Variants in ANK3 observed in about 807,000 individuals in gnomAD.
The protein encoded by ANK3 is ankyrin 3, also known as ankyrin-3.
ANK3 carries 57 observed loss-of-function variants against 370.9 expected under a neutral mutation model. That is an observed-to-expected ratio of 0.15 (90% CI 0.12 to 0.19). The LOEUF is 0.19. ANK3 is among the 10% of genes least tolerant of loss of function. The pLI is 1.00. For synonymous variants in ANK3, 1,929 were observed against 1,946.3 expected, an observed-to-expected ratio of 0.99 and a Z score of 0.23; for missense variants, 4,439 against 5,302.1, an observed-to-expected ratio of 0.84 and a Z score of 5.06.
At chr10:60,255,742 A>G (rs1592569683) in intron 7 of ANK3, among the ~76,000 whole-genome samples, 1 of 152,236 alleles carries the variant, frequency 6.6e-6, no homozygotes, top group African/African-American at 2.4e-5. Context: ...TATCTGTGCC[A>G]TTTAATAAGA....
chr10:60,070,324 G>T lies in ANK3; in HGVS notation c.10557C>A (p.Tyr3519Ter). The part of the protein sequence containing the change: ...HPDRSVFPDT[Y>*]FSYKVDEEFA... ...ATTCTTCATCTACTTTGTAACTGAA[G>T]TAAGTATCAGGAAACACTGATCTGT... Residue 3519 changes from tyrosine (Y) to a stop codon, truncating the protein, a stop_gained, in exon 37 of 44, where the codon TAC becomes TAA. Coordinates refer to ENST00000280772, the MANE Select transcript of ANK3 (RefSeq NM_020987.5). LOFTEE classifies it high-confidence loss of function. The surrounding 1 kb of genome is among the most constrained non-coding windows in gnomAD (Gnocchi z 5.7). 6.2e-7 allele frequency: 1 copy of T among 1,614,170 alleles called. No homozygotes were observed. The highest frequency in any genetic ancestry group is 8.5e-7 in the Non-Finnish European group (1 of 1,180,022).
In ANK3 at chr10:60,510,070, T is replaced by A. The variant is rs757747196; in HGVS notation, c.96+105116A>T. Among the ~76,000 whole-genome samples the A allele has an allele frequency of 2.0e-4, 31 of 152,078 alleles. 1 individual carries two copies. The highest frequency in any genetic ancestry group is 3.7e-4 in the Non-Finnish European group (25 of 68,004). On this transcript the variant is annotated intron_variant, in intron 2 of 43. Transcript: ENST00000373827. The stretch of plus-strand genomic sequence containing the variant: ...TCTTTATAACATTTTGATTTTGACT[T>A]AAAAACCATATTATTTAGTGGAAGT...
At chr10:60,030,165 C>T (rs12778708) in intron 43 of ANK3, among the ~76,000 whole-genome samples, 76,745 of 151,556 alleles carry the variant, frequency 0.51, 22,050 homozygotes, top group Non-Finnish European at 0.66. Flanking sequence ...TTTTTTGAGA[C>T]GGAGTCTTGC....
chr10:60,699,166 A>G (rs1165281033), intron 1 of ANK3, among the ~76,000 whole-genome samples: 1 of 151,876 alleles, frequency 6.6e-6, no homozygotes, highest in African/African-American at 2.4e-5. Flanking sequence ...AGACTACAAA[A>G]AGGGTGCAGT....
At chr10:60,440,048 A>C (rs763165850) in intron 2 of ANK3, among the ~76,000 whole-genome samples, 3 of 152,216 alleles carry the variant, frequency 2.0e-5, no homozygotes, top group Non-Finnish European at 4.4e-5. Flanking sequence ...GGAACCTTCC[A>C]TGTTACACAG....
chr10:60,405,383 A>G (rs147302361), intron 2 of ANK3, among the ~76,000 whole-genome samples: 108 of 152,342 alleles, frequency 7.1e-4, no homozygotes, highest in Non-Finnish European at 1.2e-3. Flanking sequence ...TAAAAGAAGC[A>G]TTTCTCAAAT....
intron 23 of ANK3, chr10:60,140,056 A>G (rs1265790912): frequency 2.2e-6 from 1 of 464,082 alleles, no homozygotes; most frequent in African/African-American, 2.0e-5. Flanking sequence ...CTCAAAGGTA[A>G]GTGATTCATT....
At chr10:60,311,253 A>G (rs951623305) in intron 1 of ANK3, among the ~76,000 whole-genome samples, 5 of 152,184 alleles carry the variant, frequency 3.3e-5, no homozygotes, top group African/African-American at 1.2e-4. Flanking sequence ...GAAGCAAGGA[A>G]TGAAACTTTG....
intron 42 of ANK3, 110 bp from the exon 43 acceptor site, chr10:60,042,869 C>A (rs1020064194): frequency 2.3e-5 from 36 of 1,541,734 alleles, no homozygotes; most frequent in Non-Finnish European, 3.1e-5. Context: ...CAGTTTAAAG[C>A]ATTTTGTCAC....
At chr10:60,206,562 C>T (rs1380873706) in intron 10 of ANK3, among the ~76,000 whole-genome samples, 1 of 151,134 alleles carries the variant, frequency 6.6e-6, no homozygotes, top group Non-Finnish European at 1.5e-5. Context: ...GTCCTCACAG[C>T]TCCACTTCAC....
chr10:60,370,246 G>GA (rs1261372946), intron 1 of ANK3, among the ~76,000 whole-genome samples: 2 of 151,978 alleles, frequency 1.3e-5, no homozygotes, highest in Admixed American at 6.6e-5. Context: ...GATTTGAAAG[G>GA]AAAAACTATT....
chr10:60,552,041 T>G (rs957912278), intron 2 of ANK3, among the ~76,000 whole-genome samples: 2 of 152,186 alleles, frequency 1.3e-5, no homozygotes, highest in African/African-American at 2.4e-5. Flanking sequence ...TTTTGAGGCA[T>G]TGCAATCATA....
intron 2 of ANK3, among the ~76,000 whole-genome samples, chr10:60,436,801 T>C (rs930070297): frequency 6.6e-6 from 1 of 152,262 alleles, no homozygotes; most frequent in Non-Finnish European, 1.5e-5. Context: ...AAAGCTTTTT[T>C]ATTTTGAAAA....
intron 18 of ANK3, among the ~76,000 whole-genome samples, chr10:60,176,588 C>G (rs765384520): frequency 1.1e-4 from 17 of 151,824 alleles, no homozygotes; most frequent in Non-Finnish European, 1.8e-4. Flanking sequence ...ATGGCAAAAC[C>G]CTGTCTCTAC....
chr10:60,050,912 T>A (rs1251458960), intron 42 of ANK3, among the ~76,000 whole-genome samples: 2 of 140,668 alleles, frequency 1.4e-5, no homozygotes, highest in African/African-American at 5.2e-5. Flanking sequence ...CTATTTCAGA[T>A]TTTTTTTTTT....
At chr10:60,262,025 T>C in intron 6 of ANK3, 68 bp from the exon 7 acceptor site, 4 of 1,332,904 alleles carry the variant, frequency 3.0e-6, no homozygotes, top group Non-Finnish European at 4.3e-6. Flanking sequence ...GCAAATATCA[T>C]AACCCTGCCC....
At chr10:60,446,588 T>C (rs2064452897) in intron 2 of ANK3, among the ~76,000 whole-genome samples, 2 of 152,232 alleles carry the variant, frequency 1.3e-5, no homozygotes, top group African/African-American at 2.4e-5. Context: ...CTCCTTTTTA[T>C]CTCTCTCCTT....
chr10:60,579,101 C>T (rs189875251), intron 2 of ANK3, among the ~76,000 whole-genome samples: 11 of 151,612 alleles, frequency 7.3e-5, no homozygotes, highest in Admixed American at 1.3e-4. Flanking sequence ...CTGAGGCAGG[C>T]GGATCATGAA....
Position 60,067,949 on chromosome 10 carries a change from C to G in ANK3, c.12305G>C (p.Gly4102Ala), listed in dbSNP as rs1362166059. Reference sequence around the variant, plus strand: ...TATGCACTTACCTGTCCAACTAAGTCCCAGGTGATCGGCTACTATTGCCAT... The same window carrying G: ...TATGCACTTACCTGTCCAACTAAGTGCCAGGTGATCGGCTACTATTGCCAT... Reference protein sequence around the residue: ...IRMAIVADHLGLSWTELAREL... With the variant: ...IRMAIVADHLALSWTELAREL... Residue 4102 changes from glycine to alanine, a missense_variant, in exon 38 of 44, where the codon GGA (glycine) becomes GCA (alanine). By Grantham distance (60) the Gly-to-Ala change is moderately conservative (BLOSUM62 0). Transcript: ENST00000280772. 1.2e-6 allele frequency: 2 copies of G among 1,609,722 alleles called. No homozygotes were observed. Among genetic ancestry groups the G allele is most frequent in the Non-Finnish European group, 1.7e-6 (2 of 1,176,838 alleles).
Sources: allele counts gnomAD v4.1 joint callset (sites outside exome capture counted in the v4.1 genomes callset), GRCh38; gene constraint gnomAD v4.1.1; non-coding constraint Gnocchi (gnomAD v3.1); transcripts MANE v1.5; gene names NCBI Gene and HGNC (gene_info 2026-07-23, HGNC 2026-07-21).